The following PTPN23 variants were observed in gnomAD, a reference collection of about 807,000 sequenced individuals.
The protein encoded by PTPN23 is protein tyrosine phosphatase non-receptor type 23, also known as tyrosine-protein phosphatase non-receptor type 23.
In PTPN23, 72 loss-of-function variants were observed where a neutral mutation model predicts 156.3. The observed-to-expected ratio is 0.46, with a 90% CI of 0.38 to 0.56. The LOEUF (loss-of-function observed/expected upper bound fraction) is 0.56, where lower values mean the gene tolerates loss of function less well. PTPN23 is among the 20% of genes least tolerant of loss of function. PTPN23 has a pLI of 0.00. For synonymous variants in PTPN23, 957 were observed against 899.6 expected, an observed-to-expected ratio of 1.06 and a Z score of -1.14; for missense variants, 1,974 against 2,171.5, an observed-to-expected ratio of 0.91 and a Z score of 1.81.
chr3:47,391,389 A>C (rs1009771371), intron 1 of PTPN23, among the ~76,000 whole-genome samples: 1 of 152,234 alleles, frequency 6.6e-6, no homozygotes, highest in African/African-American at 2.4e-5. Context: ...ACCTTGGTGA[A>C]TACCCTAACT....
chr3:47,413,096 G>C lies in PTPN23; in HGVS notation c.4822G>C (p.Ala1608Pro), dbSNP rs150307818. The change falls in exon 25 of 25, where the codon GCC becomes CCC. Residue 1608 changes from alanine (A) to proline (P), a missense_variant. Physicochemically the swap from Ala to Pro is conservative, Grantham distance 27 (BLOSUM62 -1). Coordinates refer to ENST00000265562, the MANE Select transcript of PTPN23 (RefSeq NM_015466.4). ...GATGAGCAAGCATAACTTTCTGCAG[G>C]CCCATAACGGGCAAGGGCTGCGGGC... is the stretch of plus-strand genomic sequence containing the variant. ...QRMSKHNFLQ[A>P]HNGQGLRATR... 13 of 1,612,784 alleles carry C rather than the reference G, an allele frequency of 8.1e-6. No homozygotes were observed. The African/African-American group carries it at 1.6e-4, about 20-fold the overall frequency.
intron 2 of PTPN23, among the ~76,000 whole-genome samples, chr3:47,397,753 T>C (rs1337611279): frequency 6.6e-6 from 1 of 152,136 alleles, no homozygotes; most frequent in Non-Finnish European, 1.5e-5. Flanking sequence ...CACTGCAACC[T>C]CTACCTCCCA....
Position 47,412,719 on chromosome 3 carries a change from A to G in PTPN23, c.4445A>G (p.Gln1482Arg), listed in dbSNP as rs1190657108. 1 of 1,597,882 alleles carries G rather than the reference A, an allele frequency of 6.3e-7. No individual in the cohort carries two copies. Among genetic ancestry groups the G allele is most frequent in the Non-Finnish European group, 8.6e-7 (1 of 1,169,536 alleles). Reference protein sequence around the residue: ...ASISQKNHLPQDSQDLVLGGD... With the variant: ...ASISQKNHLPRDSQDLVLGGD... Reference sequence around the variant, plus strand: ...CTGTCTTCTCAGAACCACCTTCCTCAGGACTCCCAGGACCTGGTCCTCGGT... The same window carrying G: ...CTGTCTTCTCAGAACCACCTTCCTCGGGACTCCCAGGACCTGGTCCTCGGT... The change falls in exon 25 of 25, where the codon CAG (glutamine) becomes CGG (arginine). Residue 1482 changes from glutamine to arginine, a missense_variant. Gln to Arg is a conservative substitution (Grantham distance 43). Around this residue, in one of 4 missense-constraint regions of PTPN23, gnomAD observed 484 missense variants for 516.0 expected, o/e 0.94. Transcript: ENST00000265562.
At chr3:47,398,849 G>A (rs1032894400) in intron 2 of PTPN23, among the ~76,000 whole-genome samples, 15 of 152,252 alleles carry the variant, frequency 9.9e-5, no homozygotes, top group South Asian at 4.1e-4. Flanking sequence ...AAAGGCATGA[G>A]CCGCAGCACC....
rs775535390 is a variant in PTPN23 at position 47,410,275 on chromosome 3, C to T, written c.2477C>T (p.Ala826Val). ...GGGCCTGCCCTCTACCCAGCCCCTG[C>T]CTACACACCGGAGCTGGGCCTTGTG... Reference protein sequence around the residue: ...APGPALYPAPAYTPELGLVPR... With the variant: ...APGPALYPAPVYTPELGLVPR... The change falls in exon 20 of 25, where the codon GCC (alanine) becomes GTC (valine). Residue 826 changes from alanine (A) to valine (V), a missense_variant. Physicochemically the swap from Ala to Val is moderately conservative, Grantham distance 64. This residue lies in a region of PTPN23 where 731 missense variants were observed against 669.1 expected (regional missense o/e 1.09). Transcript: ENST00000265562. 3 of 1,608,170 alleles carry T rather than the reference C, an allele frequency of 1.9e-6. No individual in the cohort carries two copies. In the South Asian group the frequency reaches 3.3e-5, roughly 18 times the overall value.
intron 1 of PTPN23, among the ~76,000 whole-genome samples, chr3:47,386,456 G>A (rs533198356): frequency 4.6e-5 from 7 of 152,228 alleles, no homozygotes; most frequent in East Asian, 1.9e-4. Flanking sequence ...ATGAGCTACC[G>A]TGCCCAGCCC....
rs983099932 is a variant in PTPN23, at chr3:47,409,419, G to C, written c.1800G>C (p.Lys600Asn). The change falls in exon 18 of 25, where the codon AAG (lysine) becomes AAC (asparagine). Residue 600 changes from lysine to asparagine, a missense_variant and splice_region_variant. By Grantham distance (94) the Lys-to-Asn change is moderately conservative. This residue lies in a region of PTPN23 where 726 missense variants were observed against 929.5 expected (regional missense o/e 0.78). Coordinates refer to ENST00000265562, the MANE Select transcript of PTPN23 (RefSeq NM_015466.4). ...LVTTDHSEMKKLFEEQLKKYD... is the reference protein window; with the variant it reads ...LVTTDHSEMKNLFEEQLKKYD... ...CCTGGCCCCCACCCCTTCCTCAGAA[G>C]TTGTTCGAGGAGCAGCTGAAAAAGT... 1 of 1,614,114 alleles carries C rather than the reference G, an allele frequency of 6.2e-7. No individual in the cohort carries two copies. The highest frequency in any genetic ancestry group is 1.7e-5 in the Admixed American group (1 of 60,010).
chr3:47,408,894 C>T lies in PTPN23; in HGVS notation c.1449C>T (p.Ile483=), dbSNP rs766910698. ...AGGCGGTGGGCCAGGCAGGGGCCAT[C>T]TCCATCACCTCCAAGGCTGAGCTGG... ...FQEAVGQAGA[I]SITSKAELAE... Residue 483 remains isoleucine (I), a synonymous_variant, in exon 16 of 25, where the codon ATC becomes ATT. Coordinates refer to ENST00000265562, the MANE Select transcript of PTPN23 (RefSeq NM_015466.4). The T allele has an allele frequency of 1.2e-6, 2 of 1,614,122 alleles. No homozygotes were observed. Among genetic ancestry groups the T allele is most frequent in the East Asian group, 4.5e-5 (2 of 44,898 alleles).
At position 47,402,573 on chromosome 3, in the gene PTPN23, C is replaced by A. The variant is rs1705018211; in HGVS notation, c.160-2079C>A. On this transcript the variant is annotated intron_variant, in intron 2 of 24. Coordinates refer to ENST00000265562, the MANE Select transcript of PTPN23 (RefSeq NM_015466.4). ...GGGATTATAGGCGTGAGCCACCTCG[C>A]CCAGCCATATCTATCTATTTATATA... 2.6e-5 allele frequency among the ~76,000 whole-genome samples: 4 copies of A among 152,214 alleles called. No homozygotes were observed. The South Asian group carries it at 8.3e-4, about 32-fold the overall frequency.
chr3:47,408,500 G>A lies in PTPN23; in HGVS notation c.1330+10G>A, dbSNP rs1705183920. On this transcript the variant is annotated intron_variant, in intron 15 of 24. Transcript: ENST00000265562. ...GTACAGTCCATGCAAGGTGAGTAAGGGGCAGAGCAAGCAGGTGGAAGGGAG... is the reference window on the plus strand; with the variant it reads ...GTACAGTCCATGCAAGGTGAGTAAGAGGCAGAGCAAGCAGGTGGAAGGGAG... 1.9e-6 allele frequency: 3 copies of A among 1,605,006 alleles called. No individual in the cohort carries two copies. The highest frequency in any genetic ancestry group is 4.5e-5 in the East Asian group (2 of 44,678).
intron 1 of PTPN23, among the ~76,000 whole-genome samples, chr3:47,383,312 G>T (rs754835272): frequency 5.3e-5 from 8 of 152,158 alleles, no homozygotes; most frequent in Non-Finnish European, 1.0e-4. Context: ...CAATCTCCGT[G>T]AATTCCATTT....
In PTPN23 at chr3:47,411,281, G is replaced by A. The variant is rs1465392452; in HGVS notation, c.3483G>A (p.Glu1161=). The part of the protein sequence containing the change: ...GRRPQALRLI[E]RDPYEHPERL... ...GGCCGCAGGCCCTGCGGCTGATTGA[G>A]CGGGACCCCTATGAGCATCCTGAGA... The change falls in exon 20 of 25, where the codon GAG becomes GAA. Residue 1161 remains glutamate (E), a synonymous_variant. Coordinates refer to ENST00000265562, the MANE Select transcript of PTPN23 (RefSeq NM_015466.4). The surrounding 1 kb of genome is among the most constrained non-coding windows in gnomAD (Gnocchi z 6.3). 6.8e-6 allele frequency: 11 copies of A among 1,611,484 alleles called. No homozygotes were observed. The highest frequency in any genetic ancestry group is 8.5e-6 in the Non-Finnish European group (10 of 1,179,980).
rs1705386445 is a variant in PTPN23 at position 47,413,428 on chromosome 3, G to A, written c.*243G>A. 2 of 564,596 alleles carry A rather than the reference G, an allele frequency of 3.5e-6. No homozygotes were observed. Among genetic ancestry groups the A allele is most frequent in the Non-Finnish European group, 6.1e-6 (2 of 327,622 alleles). The allele number at this position is 564,596 out of a possible 1,614,324, so 35.0% of individuals were successfully genotyped here. ...TGCTATTGAAATAATAAACCACCCT[G>A]TTCTGTGGCCCGTGTCTGAGTCTGC... is the stretch of plus-strand genomic sequence containing the variant. On this transcript the variant is annotated 3_prime_UTR_variant, in exon 25 of 25. Transcript: ENST00000265562.
rs1223098559 is a variant in PTPN23 at position 47,402,510 on chromosome 3, G to C, written c.160-2142G>C. 2.6e-5 allele frequency among the ~76,000 whole-genome samples: 4 copies of C among 151,960 alleles called. No homozygotes were observed. The East Asian group carries it at 7.8e-4, about 29-fold the overall frequency. On this transcript the variant is annotated intron_variant, in intron 2 of 24. Coordinates refer to ENST00000265562, the MANE Select transcript of PTPN23 (RefSeq NM_015466.4). ...GCCCAGGCTGGTCTCGAATTCCTGG[G>C]CTCAAGCGATCCACCCGCCTCAGCC... is the stretch of plus-strand genomic sequence containing the variant.
Position 47,411,017 on chromosome 3 carries a change from G to A in PTPN23, c.3219G>A (p.Ser1073=), listed in dbSNP as rs755470251. 6.0e-5 allele frequency: 95 copies of A among 1,593,928 alleles called. 1 individual carries two copies. The Middle Eastern group carries it at 1.0e-3, about 17-fold the overall frequency. ...QAAPLTIRGP[S]SAGQSTPSPH... ...CCCCTCTTACCATTCGAGGGCCCTC[G>A]TCTGCTGGCCAGTCCACCCCTAGTC... The change falls in exon 20 of 25, where the codon TCG becomes TCA. Residue 1073 remains serine, a synonymous_variant. Coordinates refer to ENST00000265562, the MANE Select transcript of PTPN23 (RefSeq NM_015466.4). This position sits in a 1 kb window ranked among gnomAD's most constrained non-coding sequence, Gnocchi z 6.3.
In PTPN23 at chr3:47,411,728, G is replaced by A; in HGVS notation, c.3888+42G>A. The A allele has an allele frequency of 1.3e-6, 2 of 1,592,498 alleles. No individual in the cohort carries two copies. Among genetic ancestry groups the A allele is most frequent in the South Asian group, 1.1e-5 (1 of 89,124 alleles). On this transcript the variant is annotated intron_variant, in intron 20 of 24. Coordinates refer to ENST00000265562, the MANE Select transcript of PTPN23 (RefSeq NM_015466.4). This position sits in a 1 kb window ranked among gnomAD's most constrained non-coding sequence, Gnocchi z 6.3. ...GGTGCCCACGAGGGCAGTGTGGGGT[G>A]GCAGGGCAGGGGATCCTGGAAAACC...
chr3:47,413,405 C>CTAT lies in PTPN23; in HGVS notation c.*222_*224dup. 2 of 615,066 alleles carry CTAT rather than the reference C, an allele frequency of 3.3e-6. No homozygotes were observed. Among genetic ancestry groups the CTAT allele is most frequent in the South Asian group, 5.0e-5 (2 of 40,302 alleles). 38.1% of individuals were successfully genotyped at this position (615,066 alleles called of 1,614,324 possible). On this transcript the variant is annotated 3_prime_UTR_variant, in exon 25 of 25. Coordinates refer to ENST00000265562, the MANE Select transcript of PTPN23 (RefSeq NM_015466.4). ...GGACCCGACATTTTTCAGCTCTTTG[C>CTAT]TATTGAAATAATAAACCACCCTGTT...
At chr3:47,408,240 G>C in intron 14 of PTPN23, 105 bp from the exon 15 acceptor site, 1 of 1,493,246 alleles carries the variant, frequency 6.7e-7, no homozygotes, top group Middle Eastern at 1.8e-4. Context: ...TTTGCTCTCT[G>C]CTGAGACCTC....
rs769295960 is a variant in PTPN23, at chr3:47,409,290, G to A, written c.1770G>A (p.Leu590=). 2 of 1,613,972 alleles carry A rather than the reference G, an allele frequency of 1.2e-6. No homozygotes were observed. Among genetic ancestry groups the A allele is most frequent in the Admixed American group, 1.7e-5 (1 of 60,008 alleles). ...LIQKDDITAS[L]VTTDHSEMKK... ...AGAAAGATGACATCACTGCCTCGCT[G>A]GTCACCACAGACCACTCAGAGATGA... Residue 590 remains leucine, a synonymous_variant, in exon 17 of 25, where the codon CTG becomes CTA. Transcript: ENST00000265562.
Sources: allele counts gnomAD v4.1 joint callset (sites outside exome capture counted in the v4.1 genomes callset), GRCh38; gene constraint gnomAD v4.1.1; regional missense constraint gnomAD v4.1.1; non-coding constraint Gnocchi (gnomAD v3.1); transcripts MANE v1.5; gene names NCBI Gene and HGNC (gene_info 2026-07-23, HGNC 2026-07-21).